Variants in MGAT4C observed in about 807,000 individuals in gnomAD.
The protein encoded by MGAT4C is alpha-1,3-mannosyl-glycoprotein 4-beta-N-acetylglucosaminyltransferase C.
Under a neutral mutation model 40.1 loss-of-function variants are expected in MGAT4C, and 19 were observed. That is an observed-to-expected ratio of 0.47 (90% CI 0.33 to 0.70). The LOEUF (loss-of-function observed/expected upper bound fraction) is 0.70. MGAT4C is among the 30% of genes least tolerant of loss of function. The pLI is 0.02. For synonymous variants in MGAT4C, 181 were observed against 187.1 expected (o/e 0.97, Z 0.27); for missense variants, 491 against 563.2 (o/e 0.87, Z 1.30).
At chr12:86,769,560 G>A (rs1396773661) in intron 1 of MGAT4C, among the ~76,000 whole-genome samples, 3 of 152,148 alleles carry the variant, frequency 2.0e-5, no homozygotes, top group Non-Finnish European at 4.4e-5. Context: ...AAAGACATAT[G>A]CACACGTATG....
At chr12:86,816,385 G>A (rs1025574718) in intron 1 of MGAT4C, among the ~76,000 whole-genome samples, 3 of 151,642 alleles carry the variant, frequency 2.0e-5, no homozygotes, top group Non-Finnish European at 4.4e-5. Context: ...CTTAATTTCT[G>A]AGAAAACATA....
intron 2 of MGAT4C, among the ~76,000 whole-genome samples, chr12:86,043,264 C>T (rs1031186289): frequency 5.3e-5 from 8 of 152,062 alleles, no homozygotes; most frequent in African/African-American, 1.9e-4. Flanking sequence ...GGTGAAGTCC[C>T]ACAATAGGTC....
intron 3 of MGAT4C, among the ~76,000 whole-genome samples, chr12:86,359,327 C>T (rs777483533): frequency 3.9e-5 from 6 of 151,942 alleles, no homozygotes; most frequent in South Asian, 2.1e-4. Context: ...CATTTAAAGC[C>T]GTGTGTAGAG....
chr12:86,628,476 A>AT (rs1962899078), intron 2 of MGAT4C, among the ~76,000 whole-genome samples: 2 of 152,200 alleles, frequency 1.3e-5, no homozygotes, highest in Admixed American at 6.5e-5. Flanking sequence ...GAAGGAAAAA[A>AT]TGTTAAGGGT....
intron 3 of MGAT4C, among the ~76,000 whole-genome samples, chr12:86,414,684 C>G (rs12320213): frequency 0.02 from 3,040 of 152,104 alleles, 93 homozygotes; most frequent in African/African-American, 0.063. Context: ...AACTAGTGTA[C>G]CTTAATGGCT....
chr12:86,483,077 C>T lies in MGAT4C; in HGVS notation c.-228-47812G>A, dbSNP rs534133295. On this transcript the variant is annotated intron_variant, in intron 2 of 7. Transcript: ENST00000548651. ...AGAAATTTATTTCTCACAGTTTTGA[C>T]GTCTGAGAAGTTCAATATCGAGGAT... is the stretch of plus-strand genomic sequence containing the variant. Among the ~76,000 whole-genome samples the T allele has an allele frequency of 3.9e-5, 6 of 152,206 alleles. No individual in the cohort carries two copies. In the South Asian group the frequency reaches 6.2e-4, roughly 16 times the overall value.
At chr12:86,686,029 AT>A (rs1425681980) in intron 2 of MGAT4C, among the ~76,000 whole-genome samples, 3 of 90,824 alleles carry the variant, frequency 3.3e-5, no homozygotes, top group African/African-American at 1.1e-4. Context: ...TGCCTGGCTA[AT>A]TTTATTTTAA....
At chr12:86,113,941 A>T (rs1877901975) in intron 1 of MGAT4C, among the ~76,000 whole-genome samples, 1 of 151,890 alleles carries the variant, frequency 6.6e-6, no homozygotes, top group Non-Finnish European at 1.5e-5. Flanking sequence ...TCACTCATTC[A>T]CCTTTTAAAA....
rs1883283376 is a variant in MGAT4C, at chr12:85,965,002, T to C, written c.*14287A>G. On this transcript the variant is annotated 3_prime_UTR_variant, in exon 5 of 5. Transcript: ENST00000611864. Reference sequence around the variant, plus strand: ...AACCGTGGAGTCTTTCTATTCTCTGTCAAATGTGGAGGTCATGGATCCTTC... The same window carrying C: ...AACCGTGGAGTCTTTCTATTCTCTGCCAAATGTGGAGGTCATGGATCCTTC... 2 of 152,174 alleles carry C rather than the reference T, an allele frequency of 1.3e-5. No individual in the cohort carries two copies. Among genetic ancestry groups the C allele is most frequent in the African/African-American group, 4.8e-5 (2 of 41,434 alleles). The allele number at this position is 152,174 out of a possible 1,614,324, so 9.4% of individuals were successfully genotyped here.
At chr12:86,769,007 A>C (rs1192355183) in intron 1 of MGAT4C, among the ~76,000 whole-genome samples, 2 of 151,666 alleles carry the variant, frequency 1.3e-5, no homozygotes, top group African/African-American at 4.8e-5. Flanking sequence ...CAAAAGACAA[A>C]ATTGACAAAT....
At chr12:86,173,735 G>C (rs1026503107) in intron 1 of MGAT4C, among the ~76,000 whole-genome samples, 1 of 151,968 alleles carries the variant, frequency 6.6e-6, no homozygotes, top group Non-Finnish European at 1.5e-5. Flanking sequence ...GTTACGCTGG[G>C]ATAAATTTTT....
chr12:86,153,505 G>A (rs1250920097), intron 1 of MGAT4C, among the ~76,000 whole-genome samples: 2 of 152,160 alleles, frequency 1.3e-5, no homozygotes, highest in African/African-American at 4.8e-5. Flanking sequence ...ATGGGTCCAT[G>A]ATATGGTTTG....
chr12:86,061,597 G>A (rs141403983), intron 1 of MGAT4C, among the ~76,000 whole-genome samples: 288 of 152,204 alleles, frequency 1.9e-3, no homozygotes, highest in African/African-American at 6.6e-3. Flanking sequence ...TCACCCCCAT[G>A]GAGCCCAGCA....
At chr12:86,318,183 A>G (rs1488106763) in intron 4 of MGAT4C, among the ~76,000 whole-genome samples, 1 of 152,032 alleles carries the variant, frequency 6.6e-6, no homozygotes, top group Non-Finnish European at 1.5e-5. Context: ...TCTTTGGGTA[A>G]TATAAAATAT....
At chr12:86,201,416 C>A (rs1240168869) in intron 1 of MGAT4C, among the ~76,000 whole-genome samples, 1 of 148,076 alleles carries the variant, frequency 6.8e-6, no homozygotes, top group Admixed American at 6.8e-5. Flanking sequence ...ATATTATAAG[C>A]CTTATAATAT....
chr12:85,986,842 C>A lies in MGAT4C; in HGVS notation c.147+2558G>T, dbSNP rs1255986405. 3.9e-5 allele frequency among the ~76,000 whole-genome samples: 6 copies of A among 152,072 alleles called. No homozygotes were observed. The South Asian group carries it at 6.2e-4, about 16-fold the overall frequency. On this transcript the variant is annotated intron_variant, in intron 3 of 4. Coordinates refer to ENST00000611864, the MANE Select transcript of MGAT4C (RefSeq NM_001351288.2). ...TGTTAAAAAGAAATTGCATTATATT[C>A]TTGGAGGGGGCCAGTTTCCCATGGA... is the stretch of plus-strand genomic sequence containing the variant.
At chr12:86,450,069 T>G (rs1957399330) in intron 2 of MGAT4C, among the ~76,000 whole-genome samples, 1 of 152,170 alleles carries the variant, frequency 6.6e-6, no homozygotes, top group African/African-American at 2.4e-5. Flanking sequence ...GAACATTGTA[T>G]CTCATTTTTG....
intron 1 of MGAT4C, among the ~76,000 whole-genome samples, chr12:86,823,717 AAT>A (rs1186530079): frequency 6.6e-6 from 1 of 151,458 alleles, no homozygotes; most frequent in Admixed American, 6.6e-5. Context: ...AGAAGCAAAA[AAT>A]AGTCAAAAGA....
chr12:86,367,311 C>T (rs1279830224), intron 3 of MGAT4C, among the ~76,000 whole-genome samples: 1 of 152,094 alleles, frequency 6.6e-6, no homozygotes. Flanking sequence ...AACAGTGGGC[C>T]TCAATAGCAC....
Sources: allele counts gnomAD v4.1 joint callset (sites outside exome capture counted in the v4.1 genomes callset), GRCh38; gene constraint gnomAD v4.1.1; transcripts MANE v1.5; gene names NCBI Gene and HGNC (gene_info 2026-07-23, HGNC 2026-07-21).